The following CDC14B variants were observed in gnomAD, a reference collection of about 807,000 sequenced individuals.
The protein encoded by CDC14B is cell division cycle 14B.
A neutral mutation model predicts 64.2 loss-of-function variants in CDC14B; 22 were observed. The ratio of observed to expected loss-of-function variants is 0.34; its 90% CI spans 0.24 to 0.49. The LOEUF is 0.49. Ranked by LOEUF, CDC14B falls within the 20% of genes least tolerant of loss-of-function variation. The pLI, the probability that CDC14B is intolerant of heterozygous loss-of-function variation, is 0.99. For synonymous variants in CDC14B, 191 were observed against 215.8 expected, an observed-to-expected ratio of 0.89 and a Z score of 1.01; for missense variants, 498 against 629.9, an observed-to-expected ratio of 0.79 and a Z score of 2.24.
At position 96,551,762 on chromosome 9, in the gene CDC14B, T is replaced by C. The variant is rs772077736; in HGVS notation, c.497+34A>G. On this transcript the variant is annotated intron_variant, in intron 5 of 13. Transcript: ENST00000375241. ...CAAGATATTTCTGGCAAGGATCTGA[T>C]TACCTGAATCTACCACATCATTCTT... 36 of 1,597,012 alleles carry C rather than the reference T, an allele frequency of 2.3e-5. No individual in the cohort carries two copies. The South Asian group carries it at 3.8e-4, about 17-fold the overall frequency.
At chr9:96,612,376 C>T (rs1285801475) in intron 1 of CDC14B, among the ~76,000 whole-genome samples, 1 of 152,210 alleles carries the variant, frequency 6.6e-6, no homozygotes, top group Admixed American at 6.5e-5. Context: ...GCTGCTGTCA[C>T]GCGTGTGACA....
intron 12 of CDC14B, among the ~76,000 whole-genome samples, chr9:96,518,767 AG>A (rs2131461230): frequency 6.6e-6 from 1 of 152,344 alleles, no homozygotes; most frequent in South Asian, 2.1e-4. Flanking sequence ...AGTTCCTTAA[AG>A]GCAGAATGGC....
intron 4 of CDC14B, among the ~76,000 whole-genome samples, chr9:96,556,516 GA>G (rs923978820): frequency 5.3e-4 from 80 of 151,450 alleles, no homozygotes; most frequent in African/African-American, 1.8e-3. Context: ...AACTGGTTAA[GA>G]AAAAAAACTC....
chr9:96,548,091 C>CT (rs1232941055), intron 5 of CDC14B, among the ~76,000 whole-genome samples: 1 of 152,146 alleles, frequency 6.6e-6, no homozygotes, highest in Non-Finnish European at 1.5e-5. Context: ...TCCCAAAGTG[C>CT]TAGGATTACA....
chr9:96,566,878 C>T, intron 1 of CDC14B: 2 of 1,567,530 alleles, frequency 1.3e-6, no homozygotes, highest in South Asian at 1.2e-5. Flanking sequence ...AGAGGGGAGG[C>T]GCCGCGACCA....
intron 5 of CDC14B, among the ~76,000 whole-genome samples, chr9:96,545,650 C>G (rs1840702674): frequency 6.6e-6 from 1 of 151,966 alleles, no homozygotes; most frequent in South Asian, 2.1e-4. Context: ...ATAATCTTTT[C>G]CAATCAAGTT....
At chr9:96,499,131 G>C (rs1471873236), downstream of CDC14B, among the ~76,000 whole-genome samples, 1 of 152,246 alleles carries the variant, frequency 6.6e-6, no homozygotes, top group Non-Finnish European at 1.5e-5. Context: ...CCATGGAGGG[G>C]CAGGGAGAGG....
Position 96,562,770 on chromosome 9 carries a change from T to C in CDC14B, c.343A>G (p.Arg115Gly). The change falls in exon 4 of 14, where the codon AGG (arginine) becomes GGG (glycine). Residue 115 changes from arginine to glycine, a missense_variant. Transcript: ENST00000375241. ...CCAGTAAAATGAACAATTTTCTTCC[T>C]TAACATTGTAATGGACTGCATAAAA... ...NKKLKSITML[R>G]KKIVHFTGSD... 1.2e-6 allele frequency: 2 copies of C among 1,601,002 alleles called. No homozygotes were observed. Among genetic ancestry groups the C allele is most frequent in the Non-Finnish European group, 1.7e-6 (2 of 1,168,222 alleles).
chr9:96,504,468 C>G (rs1238083783), intron 13 of CDC14B, among the ~76,000 whole-genome samples: 1 of 152,232 alleles, frequency 6.6e-6, no homozygotes. Flanking sequence ...GATGCTGCTG[C>G]TGCTGCGCTC....
At chr9:96,589,887 G>T (rs1845679081) in intron 1 of CDC14B, among the ~76,000 whole-genome samples, 1 of 151,852 alleles carries the variant, frequency 6.6e-6, no homozygotes, top group Non-Finnish European at 1.5e-5. Flanking sequence ...CGTGAACCCG[G>T]GAGGCAGAGC....
intron 1 of CDC14B, among the ~76,000 whole-genome samples, chr9:96,613,402 C>T (rs569044171): frequency 1.1e-3 from 160 of 152,332 alleles, no homozygotes; most frequent in African/African-American, 3.7e-3. Flanking sequence ...CACTGACTGG[C>T]AACTCCCTGG....
At chr9:96,536,693 G>C (rs918851249) in intron 7 of CDC14B, among the ~76,000 whole-genome samples, 1 of 152,160 alleles carries the variant, frequency 6.6e-6, no homozygotes, top group Non-Finnish European at 1.5e-5. Flanking sequence ...TTGTGAAAAA[G>C]AATTCTCTGA....
chr9:96,564,685 T>C, intron 3 of CDC14B, 92 bp downstream of exon 3: 3 of 721,948 alleles, frequency 4.2e-6, no homozygotes, highest in Non-Finnish European at 6.8e-6. Context: ...GAAAAACATG[T>C]CATTTCCTTT....
chr9:96,601,794 G>C (rs1280170358), intron 1 of CDC14B, among the ~76,000 whole-genome samples: 9 of 68,226 alleles, frequency 1.3e-4, no homozygotes, highest in Non-Finnish European at 2.6e-4. Context: ...ACGCTGTCTC[G>C]AAAAAAAAAA....
intron 4 of CDC14B, among the ~76,000 whole-genome samples, chr9:96,554,549 C>T (rs1048909471): frequency 6.6e-6 from 1 of 151,922 alleles, no homozygotes; most frequent in African/African-American, 2.4e-5. Flanking sequence ...ACATTTTTTT[C>T]CTATGGGGGA....
At position 96,562,710 on chromosome 9, in the gene CDC14B, G is replaced by A; in HGVS notation, c.403C>T (p.Leu135Phe). The A allele has an allele frequency of 6.2e-7, 1 of 1,609,094 alleles. No homozygotes were observed. Among genetic ancestry groups the A allele is most frequent in the Non-Finnish European group, 8.5e-7 (1 of 1,175,596 alleles). Residue 135 changes from leucine (L) to phenylalanine (F), a missense_variant, in exon 4 of 14, where the codon CTT (leucine) becomes TTT (phenylalanine). By Grantham distance (22) the Leu-to-Phe change is conservative. Transcript: ENST00000375241. ...DQRKQANAAF[L>F]VGCYMVIYLG... ...ATACTTACCATGTAGCATCCAACAA[G>A]GAAGGCAGCATTTGCTTGTTTTCTC... is the stretch of plus-strand genomic sequence containing the variant.
At chr9:96,603,555 A>G (rs1335269090) in intron 1 of CDC14B, among the ~76,000 whole-genome samples, 1 of 152,218 alleles carries the variant, frequency 6.6e-6, no homozygotes, top group Non-Finnish European at 1.5e-5. Flanking sequence ...ACTTAGTCAA[A>G]CACATTCTAA....
At chr9:96,536,016 G>A (rs1317082493) in intron 7 of CDC14B, among the ~76,000 whole-genome samples, 1 of 152,200 alleles carries the variant, frequency 6.6e-6, no homozygotes, top group Admixed American at 6.5e-5. Context: ...TAACAAACCC[G>A]TGATCAGTTG....
intron 12 of CDC14B, among the ~76,000 whole-genome samples, chr9:96,513,890 C>T (rs749873908): frequency 2.0e-5 from 3 of 152,144 alleles, no homozygotes; most frequent in Non-Finnish European, 2.9e-5. Flanking sequence ...ACTTAGCAGA[C>T]GATGCCACAC....
Sources: gnomAD v4.1 joint callset for allele counts (sites outside exome capture counted in the v4.1 genomes callset) on GRCh38, gnomAD v4.1.1 for gene constraint, MANE v1.5 for transcripts, NCBI Gene and HGNC (gene_info 2026-07-23, HGNC 2026-07-21) for gene names.